Variants in CELSR1 observed in about 807,000 individuals in gnomAD.
The protein encoded by CELSR1 is cadherin EGF LAG seven-pass G-type receptor 1.
CELSR1 carries 110 observed loss-of-function variants against 249.1 expected under a neutral mutation model. The observed-to-expected ratio is 0.44, with a 90% CI of 0.38 to 0.52. CELSR1 has a LOEUF of 0.52. Among genes scored for constraint, CELSR1 ranks in the 20% least tolerant of loss-of-function variants. The pLI, the probability that CELSR1 is intolerant of heterozygous loss-of-function variation, is 0.00. For missense variants in CELSR1, 4,109 were observed against 4,296.4 expected (o/e 0.96, Z 1.22); for synonymous variants, 2,113 against 1,900.0 (o/e 1.11, Z -2.92).
chr22:46,459,211 AG>A (rs1274018741), intron 2 of CELSR1, among the ~76,000 whole-genome samples: 1 of 151,988 alleles, frequency 6.6e-6, no homozygotes, highest in African/African-American at 2.4e-5. Flanking sequence ...GTAATGAGTG[AG>A]TGGTCGTAAT....
intron 26 of CELSR1, 152 bp downstream of exon 26, chr22:46,369,540 G>A: frequency 1.5e-6 from 1 of 670,806 alleles, no homozygotes. Context: ...GGTCCGGGAG[G>A]GCCCTGGCGG....
In CELSR1 at chr22:46,409,483, C is replaced by T. The variant is rs900649601; in HGVS notation, c.5059+272G>A. Among the ~76,000 whole-genome samples, 6 of 152,130 alleles carry T rather than the reference C, an allele frequency of 3.9e-5. No homozygotes were observed. The highest frequency in any genetic ancestry group is 1.4e-4 in the African/African-American group (6 of 41,426). On this transcript the variant is annotated intron_variant, in intron 8 of 34. Coordinates refer to ENST00000674500, the MANE Select transcript of CELSR1 (RefSeq NM_001378328.1). This position sits in a 1 kb window ranked among gnomAD's most constrained non-coding sequence, Gnocchi z 9.8. Reference sequence around the variant, plus strand: ...GGGCGGGTTCAGGATCCCTGGGCTCCGTGGCTGGGGTGCTGGGGCTGGGCT... The same window carrying T: ...GGGCGGGTTCAGGATCCCTGGGCTCTGTGGCTGGGGTGCTGGGGCTGGGCT...
In CELSR1 at chr22:46,459,741, C is replaced by A. The variant is rs146672205; in HGVS notation, c.4183+3966G>T. On this transcript the variant is annotated intron_variant, in intron 2 of 34. Coordinates refer to ENST00000674500, the MANE Select transcript of CELSR1 (RefSeq NM_001378328.1). The stretch of plus-strand genomic sequence containing the variant: ...TGATTTTGTCAAATGTCCCTGGGGG[C>A]AAAATCACCCCTAGTGGAGAACCAC... Among the ~76,000 whole-genome samples the A allele has an allele frequency of 1.1e-3, 160 of 152,334 alleles. 1 individual carries two copies. Among genetic ancestry groups the A allele is most frequent in the African/African-American group, 3.8e-3 (156 of 41,576 alleles).
Position 46,409,929 on chromosome 22 carries a change from G to A in CELSR1, c.4934-49C>T. On this transcript the variant is annotated intron_variant, in intron 7 of 34. Coordinates refer to ENST00000674500, the MANE Select transcript of CELSR1 (RefSeq NM_001378328.1). The surrounding 1 kb of genome is among the most constrained non-coding windows in gnomAD (Gnocchi z 9.8). ...GAGCCTGACTCGGAGGAACCGCCCG[G>A]GGTCCCCGGCGCCAGACGTGGCGTG... 1.9e-6 allele frequency: 3 copies of A among 1,603,180 alleles called. No individual in the cohort carries two copies. Among genetic ancestry groups the A allele is most frequent in the Non-Finnish European group, 2.5e-6 (3 of 1,178,648 alleles).
intron 5 of CELSR1, among the ~76,000 whole-genome samples, chr22:46,419,526 G>C (rs947809264): frequency 1.3e-5 from 2 of 152,050 alleles, no homozygotes; most frequent in African/African-American, 4.8e-5. Flanking sequence ...TCCTCCACAC[G>C]GGCACCGGGA....
At position 46,384,536 on chromosome 22, in the gene CELSR1, G is replaced by GT; in HGVS notation, c.6883+6dup. 6.3e-7 allele frequency: 1 copy of GT among 1,597,256 alleles called. No homozygotes were observed. Among genetic ancestry groups the GT allele is most frequent in the South Asian group, 1.1e-5 (1 of 88,386 alleles). On this transcript the variant is annotated splice_region_variant and intron_variant, in intron 20 of 34. Coordinates refer to ENST00000674500, the MANE Select transcript of CELSR1 (RefSeq NM_001378328.1). The stretch of plus-strand genomic sequence containing the variant: ...GAGGGCAGCAGCAGGTTTCTAAGCG[G>GT]TTTTACCTTTTTCTTCAGGTGGTCT...
chr22:46,510,518 G>A (rs903970182), intron 1 of CELSR1, among the ~76,000 whole-genome samples: 1 of 152,174 alleles, frequency 6.6e-6, no homozygotes, highest in Non-Finnish European at 1.5e-5. Context: ...AGGGCCCATC[G>A]CCATGACAAC....
At position 46,409,297 on chromosome 22, in the gene CELSR1, TC is replaced by T; in HGVS notation, c.5060-136del. ...TTTAACACGAAGGTGGGTCTGAGCC[TC>T]CCCTCTGTGACGCATCCAGCCCTCA... On this transcript the variant is annotated intron_variant, in intron 8 of 34. Transcript: ENST00000674500. This position sits in a 1 kb window ranked among gnomAD's most constrained non-coding sequence, Gnocchi z 9.8. The T allele has an allele frequency of 1.1e-6, 1 of 870,762 alleles. No individual in the cohort carries two copies. Among genetic ancestry groups the T allele is most frequent in the Non-Finnish European group, 1.7e-6 (1 of 585,592 alleles). The allele number at this position is 870,762 out of a possible 1,614,324, so 53.9% of individuals were successfully genotyped here.
In CELSR1 at chr22:46,448,008, G is replaced by A. The variant is rs1030515640; in HGVS notation, c.4184-8597C>T. On this transcript the variant is annotated intron_variant, in intron 2 of 34. Coordinates refer to ENST00000674500, the MANE Select transcript of CELSR1 (RefSeq NM_001378328.1). This position sits in a 1 kb window ranked among gnomAD's most constrained non-coding sequence, Gnocchi z 5.7. Reference sequence around the variant, plus strand: ...GCCTCATGCACCTGCCCCGCCACTGGGGACCTGTCCCATACCAGGCTTGGG... The same window carrying A: ...GCCTCATGCACCTGCCCCGCCACTGAGGACCTGTCCCATACCAGGCTTGGG... Among the ~76,000 whole-genome samples the A allele has an allele frequency of 1.3e-5, 2 of 152,236 alleles. No individual in the cohort carries two copies. The highest frequency in any genetic ancestry group is 4.8e-5 in the African/African-American group (2 of 41,458).
rs761062506 is a variant in CELSR1, at chr22:46,410,608, G to A, written c.4770-47C>T. On this transcript the variant is annotated intron_variant, in intron 6 of 34. Transcript: ENST00000674500. This position sits in a 1 kb window ranked among gnomAD's most constrained non-coding sequence, Gnocchi z 6.8. ...CTGTGACGTCAGGGCGGGGAGAGGC[G>A]GCCACGGCGGGCTGGGCTCCGCAGT... 138 of 1,593,752 alleles carry A rather than the reference G, an allele frequency of 8.7e-5. No homozygotes were observed. Among genetic ancestry groups the A allele is most frequent in the Non-Finnish European group, 1.0e-4 (120 of 1,164,950 alleles).
In CELSR1 at chr22:46,408,124, G is replaced by A. The variant is rs552113725; in HGVS notation, c.5226+872C>T. Among the ~76,000 whole-genome samples the A allele has an allele frequency of 1.5e-3, 223 of 152,372 alleles. 1 individual carries two copies. Among genetic ancestry groups the A allele is most frequent in the African/African-American group, 5.1e-3 (211 of 41,588 alleles). ...CAGAAACCGTGTGGCGCAGAAAACC[G>A]GAGGAAAGAGTGCATTCGAATCACC... On this transcript the variant is annotated intron_variant, in intron 9 of 34. Transcript: ENST00000674500. The surrounding 1 kb of genome is among the most constrained non-coding windows in gnomAD (Gnocchi z 4.6).
chr22:46,448,952 G>A lies in CELSR1; in HGVS notation c.4184-9541C>T, dbSNP rs558068271. Among the ~76,000 whole-genome samples, 93 of 152,214 alleles carry A rather than the reference G, an allele frequency of 6.1e-4. No individual in the cohort carries two copies. The highest frequency in any genetic ancestry group is 2.1e-3 in the African/African-American group (87 of 41,518). On this transcript the variant is annotated intron_variant, in intron 2 of 34. Transcript: ENST00000674500. This position sits in a 1 kb window ranked among gnomAD's most constrained non-coding sequence, Gnocchi z 5.7. Reference sequence around the variant, plus strand: ...CGTTACAGGGTTTCTAAGAGGAAAAGGGTATGTCAGAAATGATAAAACACC... The same window carrying A: ...CGTTACAGGGTTTCTAAGAGGAAAAAGGTATGTCAGAAATGATAAAACACC...
rs572845096 is a variant in CELSR1, at chr22:46,393,508, C to T, written c.5964+634G>A. On this transcript the variant is annotated intron_variant, in intron 14 of 34. Coordinates refer to ENST00000674500, the MANE Select transcript of CELSR1 (RefSeq NM_001378328.1). This position sits in a 1 kb window ranked among gnomAD's most constrained non-coding sequence, Gnocchi z 4.1. ...ATCCCAGCACTCTGGGAGGCTGAGG[C>T]GGGCGGATCACCTGAGGTCAGGAGT... is the stretch of plus-strand genomic sequence containing the variant. Among the ~76,000 whole-genome samples, 48 of 152,246 alleles carry T rather than the reference C, an allele frequency of 3.2e-4. No individual in the cohort carries two copies. Among genetic ancestry groups the T allele is most frequent in the African/African-American group, 9.6e-4 (40 of 41,558 alleles).
chr22:46,367,217 C>T (rs1397739527), intron 28 of CELSR1, 99 bp from the exon 29 acceptor site: 3 of 1,452,248 alleles, frequency 2.1e-6, no homozygotes, highest in African/African-American at 2.8e-5. Flanking sequence ...TGAGTGCACA[C>T]AACATGTCCG....
At chr22:46,524,541 C>CGCGTGTGTGTGTGTGT (rs1194384146) in intron 1 of CELSR1, among the ~76,000 whole-genome samples, 1 of 77,828 alleles carries the variant, frequency 1.3e-5, no homozygotes, top group South Asian at 3.7e-4. Context: ...CCGTTGTGTG[C>CGCGTGTGTGTGTGTGT]GTGTGTGTGT....
intron 1 of CELSR1, among the ~76,000 whole-genome samples, chr22:46,511,167 C>G (rs1431475222): frequency 6.6e-6 from 1 of 152,186 alleles, no homozygotes; most frequent in Admixed American, 6.5e-5. Context: ...GTTTTCTTCA[C>G]ATTATAGACC....
intron 5 of CELSR1, among the ~76,000 whole-genome samples, chr22:46,424,313 A>C (rs1005836371): frequency 6.6e-5 from 10 of 152,052 alleles, no homozygotes. Flanking sequence ...TCCTGGGCTC[A>C]AGCAATCCTC....
At position 46,527,147 on chromosome 22, in the gene CELSR1, G is replaced by T. The variant is rs1160696779; in HGVS notation, c.3544+6480C>A. On this transcript the variant is annotated intron_variant, in intron 1 of 34. Coordinates refer to ENST00000674500, the MANE Select transcript of CELSR1 (RefSeq NM_001378328.1). This position sits in a 1 kb window ranked among gnomAD's most constrained non-coding sequence, Gnocchi z 5.5. ...TGGCGACGGTACTTTCCATACCACAGTGTGGCGGCTGGAAAACTGCAAGCG... is the reference window on the plus strand; with the variant it reads ...TGGCGACGGTACTTTCCATACCACATTGTGGCGGCTGGAAAACTGCAAGCG... 6.6e-6 allele frequency among the ~76,000 whole-genome samples: 1 copy of T among 152,196 alleles called. No individual in the cohort carries two copies. Among genetic ancestry groups the T allele is most frequent in the East Asian group, 1.9e-4 (1 of 5,200 alleles).
rs10428011 is a variant in CELSR1, at chr22:46,535,155, G to A, written c.2016C>T (p.Ser672=). ...HGSPPMSSST[S]VSITVLDVND... ...TCACGTCCAGCACCGTGATGGACAC[G>A]CTGGTGGAGGAGCTCATGGGGGGCG... The change falls in exon 1 of 35, where the codon AGC becomes AGT. Residue 672 remains serine, a synonymous_variant. Transcript: ENST00000674500. The A allele has an allele frequency of 3.0e-4, 487 of 1,609,828 alleles. No individual in the cohort carries two copies. In the African/African-American group the frequency reaches 4.8e-3, roughly 16 times the overall value.
Sources: allele counts gnomAD v4.1 joint callset (sites outside exome capture counted in the v4.1 genomes callset), GRCh38; gene constraint gnomAD v4.1.1; non-coding constraint Gnocchi (gnomAD v3.1); transcripts MANE v1.5; gene names NCBI Gene and HGNC (gene_info 2026-07-23, HGNC 2026-07-21).